PRKCB: variants seen among roughly 807,000 people sequenced by gnomAD.
PRKCB encodes the protein protein kinase C beta.
A neutral mutation model predicts 81.5 loss-of-function variants in PRKCB; 13 were observed. That is an observed-to-expected ratio of 0.16 (90% CI 0.10 to 0.25). The LOEUF (loss-of-function observed/expected upper bound fraction) is 0.25, where lower values mean the gene tolerates loss of function less well. Among genes scored for constraint, PRKCB ranks in the 10% least tolerant of loss-of-function variants. The pLI is 1.00. For missense variants in PRKCB, 509 were observed against 875.7 expected (o/e 0.58, Z 5.29); for synonymous variants, 335 against 321.4 (o/e 1.04, Z -0.45).
In PRKCB at chr16:24,121,278, G is replaced by GT. The variant is rs1181736201; in HGVS notation, c.919-2551dup. The stretch of plus-strand genomic sequence containing the variant: ...GGACCCAATCCCAGCTAGAATGCAC[G>GT]TTTTTTCAGAGTATCTGTATCCATT... On this transcript the variant is annotated intron_variant, in intron 8 of 16. Coordinates refer to ENST00000643927, the MANE Select transcript of PRKCB (RefSeq NM_002738.7). Among the ~76,000 whole-genome samples the GT allele has an allele frequency of 2.6e-5, 4 of 152,192 alleles. No individual in the cohort carries two copies. In the East Asian group the frequency reaches 5.8e-4, roughly 22 times the overall value.
chr16:23,840,109 A>G (rs889300681), intron 2 of PRKCB, among the ~76,000 whole-genome samples: 1 of 152,148 alleles, frequency 6.6e-6, no homozygotes, highest in Non-Finnish European at 1.5e-5. Flanking sequence ...AACATATAGG[A>G]AAGAGGGAAA....
At chr16:24,038,144 T>A (rs1424729308) in intron 5 of PRKCB, among the ~76,000 whole-genome samples, 2 of 152,030 alleles carry the variant, frequency 1.3e-5, no homozygotes, top group African/African-American at 4.8e-5. Flanking sequence ...ATTGCACCAC[T>A]GCACTCCAGC....
intron 7 of PRKCB, among the ~76,000 whole-genome samples, chr16:24,095,840 G>A (rs1217861153): frequency 2.6e-5 from 4 of 152,102 alleles, no homozygotes; most frequent in Admixed American, 1.3e-4. Flanking sequence ...ATCTGCGGGG[G>A]TCATTGGGAA....
chr16:24,065,529 T>C (rs940870205), intron 5 of PRKCB, among the ~76,000 whole-genome samples: 5 of 152,240 alleles, frequency 3.3e-5, no homozygotes, highest in African/African-American at 1.2e-4. Context: ...TTACATGTGA[T>C]TTAAACTACA....
intron 5 of PRKCB, among the ~76,000 whole-genome samples, chr16:24,074,965 TA>T (rs1270397006): frequency 1.3e-5 from 2 of 151,686 alleles, no homozygotes; most frequent in Non-Finnish European, 2.9e-5. Flanking sequence ...CTACAAAAAA[TA>T]AAGTTAGCCA....
chr16:24,213,803 T>G (rs74677290), intron 16 of PRKCB, among the ~76,000 whole-genome samples: 10,483 of 152,248 alleles, frequency 0.069, 904 homozygotes, highest in African/African-American at 0.2. Context: ...ATGCACACAT[T>G]TGCAGACATG....
chr16:23,928,410 G>A (rs2069298879), intron 2 of PRKCB, among the ~76,000 whole-genome samples: 1 of 152,130 alleles, frequency 6.6e-6, no homozygotes, highest in Non-Finnish European at 1.5e-5. Flanking sequence ...TTACAGGCAT[G>A]AGCCACCGCG....
Position 24,216,767 on chromosome 16 carries a change from G to C in PRKCB, c.*1951G>C. The stretch of plus-strand genomic sequence containing the variant: ...CTGACAAGTTTAGGCAGTAAGAGAA[G>C]GAGGGAAATCGGAGCAAAGCTCCCT... On this transcript the variant is annotated 3_prime_UTR_variant, in exon 17 of 17. Coordinates refer to ENST00000643927, the MANE Select transcript of PRKCB (RefSeq NM_002738.7). 1 of 985,486 alleles carries C rather than the reference G, an allele frequency of 1.0e-6. No individual in the cohort carries two copies. The highest frequency in any genetic ancestry group is 1.2e-6 in the Non-Finnish European group (1 of 829,946). The allele number at this position is 985,486 out of a possible 1,614,324, so 61.0% of individuals were successfully genotyped here.
intron 3 of PRKCB, among the ~76,000 whole-genome samples, chr16:24,021,028 C>CTTTCTTTCTTTCT (rs1567346706): frequency 7.1e-6 from 1 of 140,328 alleles, no homozygotes. Context: ...TTCTTTCTTT[C>CTTTCTTTCTTTCT]TTTCTTTCTT....
intron 9 of PRKCB, among the ~76,000 whole-genome samples, chr16:24,145,858 T>C (rs1435257830): frequency 2.0e-5 from 3 of 152,240 alleles, no homozygotes; most frequent in Non-Finnish European, 2.9e-5. Flanking sequence ...CGATCACCAC[T>C]GTAATGGGTA....
intron 7 of PRKCB, among the ~76,000 whole-genome samples, chr16:24,110,509 C>CTTTTTTTTT (rs777132623): frequency 3.2e-5 from 4 of 125,328 alleles, no homozygotes; most frequent in Admixed American, 7.6e-5. Flanking sequence ...CCATGCCCAA[C>CTTTTTTTTT]CTTTTTTTTT....
At chr16:23,892,628 C>T (rs1489203562) in intron 2 of PRKCB, among the ~76,000 whole-genome samples, 1 of 152,116 alleles carries the variant, frequency 6.6e-6, no homozygotes, top group African/African-American at 2.4e-5. Flanking sequence ...AGTGAGTAGG[C>T]AGATGGTCTT....
chr16:24,102,829 A>G (rs1966525186), intron 7 of PRKCB, among the ~76,000 whole-genome samples: 2 of 152,090 alleles, frequency 1.3e-5, no homozygotes, highest in African/African-American at 4.8e-5. Flanking sequence ...CTTTCAGTTG[A>G]ACATTTTACT....
chr16:23,930,341 G>A (rs779351338), intron 2 of PRKCB, among the ~76,000 whole-genome samples: 4 of 152,182 alleles, frequency 2.6e-5, no homozygotes, highest in African/African-American at 9.6e-5. Flanking sequence ...GGCCAAGGTG[G>A]GCAGATCACT....
intron 15 of PRKCB, among the ~76,000 whole-genome samples, chr16:24,190,669 C>T (rs1967777842): frequency 6.6e-6 from 1 of 151,888 alleles, no homozygotes; most frequent in Admixed American, 6.6e-5. Flanking sequence ...CAGGTGTGTG[C>T]CACCATACCC....
At chr16:24,004,521 G>A (rs1245623391) in intron 3 of PRKCB, among the ~76,000 whole-genome samples, 2 of 151,600 alleles carry the variant, frequency 1.3e-5, no homozygotes, top group Non-Finnish European at 2.9e-5. Flanking sequence ...CAGGCATGGT[G>A]GCATGCACCT....
At chr16:23,972,759 C>T (rs1327219036) in intron 2 of PRKCB, among the ~76,000 whole-genome samples, 3 of 152,060 alleles carry the variant, frequency 2.0e-5, no homozygotes, top group Admixed American at 6.6e-5. Context: ...GGTCTACAGT[C>T]GTGAGCTTTA....
At chr16:24,107,855 C>T (rs7194728) in intron 7 of PRKCB, among the ~76,000 whole-genome samples, 6,136 of 152,238 alleles carry the variant, frequency 0.04, 407 homozygotes, top group African/African-American at 0.14. Context: ...GGTCAATTCC[C>T]CTTTATCTGT....
chr16:24,024,036 G>C (rs1463458748), intron 3 of PRKCB, among the ~76,000 whole-genome samples: 1 of 152,236 alleles, frequency 6.6e-6, no homozygotes, highest in Non-Finnish European at 1.5e-5. Context: ...GGAATTGGAA[G>C]GCAGGATGCC....
Sources: allele counts gnomAD v4.1 joint callset (sites outside exome capture counted in the v4.1 genomes callset), GRCh38; gene constraint gnomAD v4.1.1; transcripts MANE v1.5; gene names NCBI Gene and HGNC (gene_info 2026-07-23, HGNC 2026-07-21).